Variants in AKAP11 observed in about 807,000 individuals in gnomAD.
The protein encoded by AKAP11 is A-kinase anchoring protein 11, also known as A-kinase anchor protein 11.
AKAP11 carries 36 observed loss-of-function variants against 146.1 expected under a neutral mutation model. The observed-to-expected ratio is 0.25, with a 90% confidence interval of 0.19 to 0.33. AKAP11 has a LOEUF of 0.33. Among genes scored for constraint, AKAP11 ranks in the 10% least tolerant of loss-of-function variants. AKAP11 has a pLI of 1.00. For missense variants in AKAP11, 2,201 were observed against 2,197.0 expected (o/e 1.00, Z -0.04); for synonymous variants, 780 against 786.5 (o/e 0.99, Z 0.14).
intron 1 of AKAP11, among the ~76,000 whole-genome samples, chr13:42,283,385 ATT>A (rs900414008): frequency 3.3e-5 from 5 of 151,848 alleles, no homozygotes; most frequent in Non-Finnish European, 1.5e-5. Flanking sequence ...ATTTGTCTGG[ATT>A]TTTTCTTTTT....
chr13:42,301,594 T>G lies in AKAP11; in HGVS notation c.2848T>G (p.Ser950Ala), dbSNP rs1363809839. 3 of 1,614,070 alleles carry G rather than the reference T, an allele frequency of 1.9e-6. No homozygotes were observed. Among genetic ancestry groups the G allele is most frequent in the Non-Finnish European group, 2.5e-6 (3 of 1,179,974 alleles). Reference protein sequence around the residue: ...DRLSKSIIKHSIDKSKSVIPN... With the variant: ...DRLSKSIIKHAIDKSKSVIPN... ...GTTATCTAAATCTATTATTAAACAT[T>G]CCATAGATAAGAGCAAATCAGTGAT... is the stretch of plus-strand genomic sequence containing the variant. The change falls in exon 8 of 13, where the codon TCC (serine) becomes GCC (alanine). Residue 950 changes from serine to alanine, a missense_variant. Coordinates refer to ENST00000025301, the MANE Select transcript of AKAP11 (RefSeq NM_016248.4).
At chr13:42,307,467 G>A (rs918269172) in intron 8 of AKAP11, among the ~76,000 whole-genome samples, 9 of 152,216 alleles carry the variant, frequency 5.9e-5, no homozygotes, top group Non-Finnish European at 1.0e-4. Context: ...TGACAGTGGC[G>A]GTGGCCATTA....
intron 11 of AKAP11, among the ~76,000 whole-genome samples, chr13:42,314,699 T>C (rs1960735847): frequency 6.6e-6 from 1 of 152,180 alleles, no homozygotes; most frequent in Non-Finnish European, 1.5e-5. Flanking sequence ...TTACTTACCT[T>C]GTTTTCTAAA....
intron 4 of AKAP11, 24 bp downstream of exon 4, chr13:42,292,525 C>A: frequency 7.1e-7 from 1 of 1,405,286 alleles, no homozygotes; most frequent in Non-Finnish European, 9.9e-7. Flanking sequence ...CTTTCTAAAC[C>A]CTTTCCTAAT....
chr13:42,310,810 G>C (rs1451303096), intron 9 of AKAP11, among the ~76,000 whole-genome samples: 2 of 149,798 alleles, frequency 1.3e-5, no homozygotes, highest in Non-Finnish European at 3.0e-5. Context: ...AGTGAGCTGA[G>C]ATTGTGCCAC....
intron 1 of AKAP11, among the ~76,000 whole-genome samples, chr13:42,278,423 A>G (rs1220693671): frequency 6.6e-6 from 1 of 152,162 alleles, no homozygotes; most frequent in Non-Finnish European, 1.5e-5. Flanking sequence ...CATCACTTTT[A>G]TTCTGCTGTT....
rs764225198 is a variant in AKAP11, at chr13:42,300,349, CA to C, written c.1610del (p.Asn537IlefsTer8). ...TVTFKHGNLD[Q>X]KNKSKNKSLM... is the part of the protein sequence containing the mutation. Reference sequence around the variant, plus strand: ...AACTTTTAAGCATGGAAACCTTGATCAAAAAAATAAATCTAAAAATAAATCC... The same window carrying C: ...AACTTTTAAGCATGGAAACCTTGATCAAAAAATAAATCTAAAAATAAATCC... On this transcript the variant is annotated frameshift_variant, in exon 8 of 13. Coordinates refer to ENST00000025301, the MANE Select transcript of AKAP11 (RefSeq NM_016248.4). LOFTEE classifies it high-confidence loss of function. 2 of 1,604,238 alleles carry C rather than the reference CA, an allele frequency of 1.2e-6. No homozygotes were observed. The highest frequency in any genetic ancestry group is 1.7e-6 in the Non-Finnish European group (2 of 1,177,086).
At position 42,300,004 on chromosome 13, in the gene AKAP11, C is replaced by T; in HGVS notation, c.1258C>T (p.Pro420Ser). ...ANVRKPTPRK[P>S]ESPYGNLCDA... ...TGTTAGAAAGCCAACTCCTCGTAAA[C>T]CAGAATCTCCATATGGTAACCTGTG... The change falls in exon 8 of 13, where the codon CCA becomes TCA. Residue 420 changes from proline (P) to serine (S), a missense_variant. Pro to Ser is a moderately conservative substitution (Grantham distance 74). Around this residue, in one of 3 missense-constraint regions of AKAP11, gnomAD observed 1,867 missense variants for 1,833.5 expected, o/e 1.02. Coordinates refer to ENST00000025301, the MANE Select transcript of AKAP11 (RefSeq NM_016248.4). The T allele has an allele frequency of 1.2e-6, 2 of 1,613,970 alleles. No homozygotes were observed. The highest frequency in any genetic ancestry group is 1.7e-6 in the Non-Finnish European group (2 of 1,179,854).
rs574642270 is a variant in AKAP11 at position 42,301,206 on chromosome 13, T to C, written c.2460T>C (p.His820=). The change falls in exon 8 of 13, where the codon CAT becomes CAC. Residue 820 remains histidine (H), a synonymous_variant. Coordinates refer to ENST00000025301, the MANE Select transcript of AKAP11 (RefSeq NM_016248.4). ...CAAATGGTGATTCTGCCCAAGTGCA[T>C]ATTGCCACAAAAAACAGAGAAGAAA... is the stretch of plus-strand genomic sequence containing the variant. ...SNSNGDSAQV[H]IATKNREEKA... 16 of 1,614,072 alleles carry C rather than the reference T, an allele frequency of 9.9e-6. No individual in the cohort carries two copies. In the African/African-American group the frequency reaches 2.0e-4, roughly 20 times the overall value.
chr13:42,288,794 A>G (rs981622756), intron 3 of AKAP11, among the ~76,000 whole-genome samples: 3 of 152,134 alleles, frequency 2.0e-5, no homozygotes, highest in Non-Finnish European at 2.9e-5. Context: ...ACCATGTTTC[A>G]CATCTGGATT....
intron 1 of AKAP11, among the ~76,000 whole-genome samples, chr13:42,283,739 AG>A (rs1479368918): frequency 9.2e-5 from 14 of 152,236 alleles, no homozygotes; most frequent in African/African-American, 3.4e-4. Context: ...TTTAGTCAGC[AG>A]CTGCAAAGGT....
At chr13:42,307,222 C>A (rs1960307018) in intron 8 of AKAP11, among the ~76,000 whole-genome samples, 2 of 152,024 alleles carry the variant, frequency 1.3e-5, no homozygotes, top group South Asian at 4.2e-4. Context: ...CATTCTGTAT[C>A]TTACAAAATT....
intron 1 of AKAP11, among the ~76,000 whole-genome samples, chr13:42,276,306 C>T (rs1026266171): frequency 3.3e-5 from 5 of 152,102 alleles, no homozygotes; most frequent in African/African-American, 7.2e-5. Context: ...GGTGCAGTGG[C>T]GCAATCTTGG....
intron 3 of AKAP11, among the ~76,000 whole-genome samples, chr13:42,289,270 T>C (rs978755884): frequency 2.0e-5 from 3 of 152,188 alleles, no homozygotes; most frequent in African/African-American, 7.2e-5. Context: ...TTAGATGAAC[T>C]ATATAATATC....
At position 42,302,473 on chromosome 13, in the gene AKAP11, C is replaced by T. The variant is rs1959986568; in HGVS notation, c.3727C>T (p.Pro1243Ser). The T allele has an allele frequency of 2.5e-6, 4 of 1,614,106 alleles. No individual in the cohort carries two copies. The South Asian group carries it at 4.4e-5, about 18-fold the overall frequency. ...TGTGCAAAGTCAAAGAAGTGTGTCG[C>T]CTACTTTTTTAAACCCCTCAGACGA... ...LNVQSQRSVS[P>S]TFLNPSDENL... is the part of the protein sequence containing the mutation. Residue 1243 changes from proline to serine, a missense_variant, in exon 8 of 13, where the codon CCT becomes TCT. By Grantham distance (74) the Pro-to-Ser change is moderately conservative (BLOSUM62 -1). Transcript: ENST00000025301.
At chr13:42,309,852 A>G (rs888857428) in intron 9 of AKAP11, among the ~76,000 whole-genome samples, 2 of 152,196 alleles carry the variant, frequency 1.3e-5, no homozygotes, top group Admixed American at 6.5e-5. Context: ...TGGCGTTAAA[A>G]TGGGAGATTG....
At chr13:42,278,372 AGAAAG>A in intron 1 of AKAP11, among the ~76,000 whole-genome samples, 1 of 152,354 alleles carries the variant, frequency 6.6e-6, no homozygotes, top group East Asian at 1.9e-4. Flanking sequence ...TCTGTACCCA[AGAAAG>A]GAACTTAGCT....
chr13:42,310,363 G>T (rs1960494274), intron 9 of AKAP11, among the ~76,000 whole-genome samples: 1 of 152,178 alleles, frequency 6.6e-6, no homozygotes, highest in Non-Finnish European at 1.5e-5. Context: ...CACCTCCAGA[G>T]ATGAAGATTT....
rs558820546 is a variant in AKAP11, at chr13:42,313,043, G to A, written c.5274-4G>A. ...TCAGCTCTGTTCTTTTCTTCCTCTG[G>A]CAGTAATGGTAACAGCAGTAGCTGG... On this transcript the variant is annotated splice_polypyrimidine_tract_variant and splice_region_variant and intron_variant, in intron 9 of 12. Coordinates refer to ENST00000025301, the MANE Select transcript of AKAP11 (RefSeq NM_016248.4). 3 of 1,611,028 alleles carry A rather than the reference G, an allele frequency of 1.9e-6. No individual in the cohort carries two copies. In the Admixed American group the frequency reaches 5.0e-5, roughly 27 times the overall value.
Sources: gnomAD v4.1 joint callset for allele counts (sites outside exome capture counted in the v4.1 genomes callset) on GRCh38, gnomAD v4.1.1 for gene constraint, gnomAD v4.1.1 regional missense constraint, MANE v1.5 for transcripts, NCBI Gene and HGNC (gene_info 2026-07-23, HGNC 2026-07-21) for gene names.